Variants in UVRAG observed in about 807,000 individuals in gnomAD.
The protein encoded by UVRAG is UV radiation resistance associated.
Under a neutral mutation model 78.0 loss-of-function variants are expected in UVRAG, and 19 were observed. The observed-to-expected ratio is 0.24, with a 90% CI of 0.17 to 0.36. The LOEUF (loss-of-function observed/expected upper bound fraction) is 0.36, where lower values mean the gene tolerates loss of function less well. Among genes scored for constraint, UVRAG ranks in the 10% least tolerant of loss-of-function variants. The probability of loss-of-function intolerance (pLI) is 1.00; values close to 1 mark genes in which losing one functional copy is unlikely to be tolerated. For synonymous variants in UVRAG, 323 were observed against 324.6 expected (o/e 1.00, Z 0.05); for missense variants, 740 against 853.8 (o/e 0.87, Z 1.66).
chr11:75,950,205 C>T (rs955441592), intron 6 of UVRAG, among the ~76,000 whole-genome samples: 4 of 151,996 alleles, frequency 2.6e-5, no homozygotes, highest in East Asian at 1.9e-4. Flanking sequence ...TAAATAAAGC[C>T]GATAGGAACA....
intron 13 of UVRAG, among the ~76,000 whole-genome samples, chr11:76,108,556 T>C (rs981456440): frequency 6.6e-6 from 1 of 152,102 alleles, no homozygotes; most frequent in Admixed American, 6.6e-5. Flanking sequence ...AAACACAAAG[T>C]GGATGTATAG....
chr11:75,846,498 A>G (rs1413579811), intron 1 of UVRAG, among the ~76,000 whole-genome samples: 2 of 152,068 alleles, frequency 1.3e-5, no homozygotes, highest in Non-Finnish European at 2.9e-5. Context: ...TTCCTATGTT[A>G]TCTTCTAGGA....
intron 14 of UVRAG, among the ~76,000 whole-genome samples, chr11:76,133,531 G>C (rs927169263): frequency 6.6e-6 from 1 of 152,206 alleles, no homozygotes; most frequent in Non-Finnish European, 1.5e-5. Flanking sequence ...GGCTCTACCA[G>C]TTCCTGGGTT....
rs149827107 is a variant in UVRAG, at chr11:76,120,389, A to C, written c.1397+4374A>C. Among the ~76,000 whole-genome samples the C allele has an allele frequency of 3.9e-3, 598 of 151,872 alleles. 3 individuals carry two copies. The highest frequency in any genetic ancestry group is 0.014 in the African/African-American group (575 of 41,578). ...CAATTTACTCAAATTATTTACATATAAATGCTTCCTCATTGCAACCTGACT... is the reference window on the plus strand; with the variant it reads ...CAATTTACTCAAATTATTTACATATCAATGCTTCCTCATTGCAACCTGACT... On this transcript the variant is annotated intron_variant, in intron 14 of 14. Coordinates refer to ENST00000356136, the MANE Select transcript of UVRAG (RefSeq NM_003369.4).
At chr11:76,068,162 T>C (rs564776474) in intron 13 of UVRAG, among the ~76,000 whole-genome samples, 2 of 152,300 alleles carry the variant, frequency 1.3e-5, no homozygotes, top group South Asian at 2.1e-4. Flanking sequence ...AAAGATCATA[T>C]AAAGTGTTGC....
chr11:76,031,007 G>C (rs1950427114), intron 12 of UVRAG, among the ~76,000 whole-genome samples: 1 of 152,096 alleles, frequency 6.6e-6, no homozygotes, highest in East Asian at 1.9e-4. Context: ...TTGCAGAGAG[G>C]CTTGTATTTT....
At chr11:75,877,325 C>T (rs1182104715) in intron 3 of UVRAG, among the ~76,000 whole-genome samples, 1 of 152,164 alleles carries the variant, frequency 6.6e-6, no homozygotes, top group Admixed American at 6.5e-5. Context: ...TCCACAAAAC[C>T]GCCATTGTCA....
rs578191799 is a variant in UVRAG at position 75,911,812 on chromosome 11, T to C, written c.508-142T>C. The C allele has an allele frequency of 4.9e-4, 276 of 567,688 alleles. 1 individual carries two copies. The highest frequency in any genetic ancestry group is 6.5e-4 in the Non-Finnish European group (211 of 323,050). 35.2% of individuals were successfully genotyped at this position (567,688 alleles called of 1,614,324 possible). On this transcript the variant is annotated intron_variant, in intron 5 of 14. Coordinates refer to ENST00000356136, the MANE Select transcript of UVRAG (RefSeq NM_003369.4). The stretch of plus-strand genomic sequence containing the variant: ...TTAGGCTTCTATTACATGGCAGATA[T>C]ACTTTACTTTTTGGAATCTCTAAAA...
intron 2 of UVRAG, among the ~76,000 whole-genome samples, chr11:75,856,253 T>C (rs527968402): frequency 2.0e-4 from 31 of 152,188 alleles, no homozygotes; most frequent in Non-Finnish European, 4.3e-4. Flanking sequence ...TCCGCCTGCC[T>C]CGGCCTCCAA....
At chr11:76,035,597 C>G (rs761589879) in intron 12 of UVRAG, among the ~76,000 whole-genome samples, 17 of 152,122 alleles carry the variant, frequency 1.1e-4, no homozygotes, top group Non-Finnish European at 1.8e-4. Context: ...CCTATTCATG[C>G]ATTCATTAAA....
intron 12 of UVRAG, among the ~76,000 whole-genome samples, chr11:76,030,879 CTTTAA>C (rs1274175917): frequency 5.5e-4 from 83 of 152,098 alleles, no homozygotes; most frequent in Non-Finnish European, 4.4e-5. Context: ...TTTATATGTA[CTTTAA>C]TTTAATAACA....
At chr11:76,043,152 A>C (rs1029247307) in intron 12 of UVRAG, among the ~76,000 whole-genome samples, 7 of 152,352 alleles carry the variant, frequency 4.6e-5, no homozygotes, top group Admixed American at 2.0e-4. Context: ...ATCTGTTGTC[A>C]ACTCTGCGTA....
At chr11:75,965,898 A>G (rs1030532228) in intron 7 of UVRAG, among the ~76,000 whole-genome samples, 1 of 152,004 alleles carries the variant, frequency 6.6e-6, no homozygotes, top group Non-Finnish European at 1.5e-5. Flanking sequence ...TTTGATTTTC[A>G]TCCAGTACAA....
rs781467097 is a variant in UVRAG, at chr11:76,065,804, T to C, written c.1305+16T>C. ...TATAGCACAGGTAAGTCTCTGTTCT[T>C]CACTTCTCTCCTACTTCCCATGCAC... On this transcript the variant is annotated intron_variant, in intron 13 of 14. Coordinates refer to ENST00000356136, the MANE Select transcript of UVRAG (RefSeq NM_003369.4). 6.2e-7 allele frequency: 1 copy of C among 1,610,676 alleles called. No homozygotes were observed. Among genetic ancestry groups the C allele is most frequent in the Non-Finnish European group, 8.5e-7 (1 of 1,177,410 alleles).
At chr11:76,017,452 G>A (rs545103270) in intron 12 of UVRAG, among the ~76,000 whole-genome samples, 1 of 152,294 alleles carries the variant, frequency 6.6e-6, no homozygotes, top group Admixed American at 6.5e-5. Context: ...CAGGCACAGA[G>A]AGGCTGGAAA....
At chr11:76,060,528 G>A (rs1049007955) in intron 12 of UVRAG, among the ~76,000 whole-genome samples, 11 of 152,386 alleles carry the variant, frequency 7.2e-5, no homozygotes, top group Admixed American at 2.6e-4. Context: ...GGCCAAGGCC[G>A]GAGCCGGCTC....
chr11:75,832,316 G>A (rs945431702), intron 1 of UVRAG, among the ~76,000 whole-genome samples: 2 of 152,160 alleles, frequency 1.3e-5, no homozygotes, highest in African/African-American at 2.4e-5. Context: ...CCCAAGTCCC[G>A]GTCGCAGGCC....
intron 13 of UVRAG, among the ~76,000 whole-genome samples, chr11:76,084,389 A>T (rs1276408265): frequency 6.6e-6 from 1 of 152,192 alleles, no homozygotes; most frequent in Non-Finnish European, 1.5e-5. Flanking sequence ...ATGGTCTAAG[A>T]TCTTTTATTT....
intron 3 of UVRAG, among the ~76,000 whole-genome samples, chr11:75,864,494 A>G (rs1174636581): frequency 6.6e-6 from 1 of 152,266 alleles, no homozygotes; most frequent in Non-Finnish European, 1.5e-5. Flanking sequence ...GCACGTTGTT[A>G]CTGCCCTTCT....
Sources: gnomAD v4.1 joint callset for allele counts (sites outside exome capture counted in the v4.1 genomes callset) on GRCh38, gnomAD v4.1.1 for gene constraint, MANE v1.5 for transcripts, NCBI Gene and HGNC (gene_info 2026-07-23, HGNC 2026-07-21) for gene names.